CNNM2: variants seen among roughly 807,000 people sequenced by gnomAD.
The protein encoded by CNNM2 is metal transporter CNNM2.
A neutral mutation model predicts 66.9 loss-of-function variants in CNNM2; 12 were observed. That is an observed-to-expected ratio of 0.18 (90% CI 0.11 to 0.29). The LOEUF (loss-of-function observed/expected upper bound fraction) is 0.29. Among genes scored for constraint, CNNM2 ranks in the 10% least tolerant of loss-of-function variants. CNNM2 has a pLI of 1.00. For missense variants in CNNM2, 705 were observed against 1,167.7 expected (o/e 0.60, Z 5.77); for synonymous variants, 557 against 501.8 (o/e 1.11, Z -1.47).
intron 1 of CNNM2, among the ~76,000 whole-genome samples, chr10:102,959,882 C>A (rs1346188480): frequency 6.6e-6 from 1 of 152,030 alleles, no homozygotes; most frequent in East Asian, 1.9e-4. Context: ...GAAACCCCGT[C>A]TCTACTAAAA....
At chr10:103,023,645 C>T (rs1407173685) in intron 1 of CNNM2, among the ~76,000 whole-genome samples, 2 of 152,168 alleles carry the variant, frequency 1.3e-5, no homozygotes, top group Non-Finnish European at 2.9e-5. Context: ...CAGTACCTCT[C>T]ACTAGGCCCC....
At chr10:103,006,501 T>C (rs1161846764) in intron 1 of CNNM2, among the ~76,000 whole-genome samples, 4 of 152,180 alleles carry the variant, frequency 2.6e-5, no homozygotes, top group Non-Finnish European at 5.9e-5. Flanking sequence ...CCACCACTCC[T>C]GGCCTGCTTT....
At chr10:103,024,547 C>T (rs1421117732) in intron 1 of CNNM2, among the ~76,000 whole-genome samples, 1 of 152,054 alleles carries the variant, frequency 6.6e-6, no homozygotes. Context: ...GGCGTGATCT[C>T]GGCTCACTGC....
chr10:102,964,879 A>C (rs1426184828), intron 1 of CNNM2, among the ~76,000 whole-genome samples: 3 of 151,890 alleles, frequency 2.0e-5, no homozygotes, highest in Admixed American at 2.0e-4. Context: ...TGCCTTTAAG[A>C]GGGAGTTAAG....
intron 1 of CNNM2, among the ~76,000 whole-genome samples, chr10:103,001,279 T>G (rs945752358): frequency 2.6e-5 from 4 of 152,148 alleles, no homozygotes; most frequent in Non-Finnish European, 5.9e-5. Context: ...ACAGTGTGAA[T>G]GTACTCAGTG....
At chr10:103,014,178 A>G (rs1462207928) in intron 1 of CNNM2, among the ~76,000 whole-genome samples, 1 of 152,222 alleles carries the variant, frequency 6.6e-6, no homozygotes, top group Non-Finnish European at 1.5e-5. Context: ...AAATTCAGGC[A>G]ATATTAATTG....
At chr10:102,973,656 C>T (rs2063581629) in intron 1 of CNNM2, among the ~76,000 whole-genome samples, 1 of 152,086 alleles carries the variant, frequency 6.6e-6, no homozygotes, top group South Asian at 2.1e-4. Context: ...TGTGCCTGGC[C>T]TTATGCAGTG....
chr10:103,042,641 A>G (rs1373378418), intron 1 of CNNM2, among the ~76,000 whole-genome samples: 1 of 152,180 alleles, frequency 6.6e-6, no homozygotes, highest in Non-Finnish European at 1.5e-5. Context: ...TTGTGTGACT[A>G]TAGTTCATTG....
intron 1 of CNNM2, among the ~76,000 whole-genome samples, chr10:102,940,010 AC>A (rs1287685101): frequency 9.9e-5 from 15 of 151,974 alleles, no homozygotes; most frequent in African/African-American, 2.2e-4. Flanking sequence ...CAAAAAAAAA[AC>A]CGCCATGTAG....
At position 102,923,185 on chromosome 10, in the gene CNNM2, A is replaced by C. The variant is rs532118626; in HGVS notation, c.1621+3084A>C. Among the ~76,000 whole-genome samples, 298 of 151,916 alleles carry C rather than the reference A, an allele frequency of 2.0e-3. 2 individuals carry two copies. Among genetic ancestry groups the C allele is most frequent in the Non-Finnish European group, 3.4e-3 (232 of 67,970 alleles). On this transcript the variant is annotated intron_variant, in intron 1 of 7. Transcript: ENST00000369878. The stretch of plus-strand genomic sequence containing the variant: ...ACTGTGTTGCCCAGGCTGGATTCGA[A>C]CTGTGATTGTCTTTTTTCTCTGGCT...
intron 1 of CNNM2, among the ~76,000 whole-genome samples, chr10:102,956,718 G>A (rs1386268607): frequency 6.6e-6 from 1 of 152,040 alleles, no homozygotes; most frequent in African/African-American, 2.4e-5. Flanking sequence ...ACTATCACAA[G>A]CACAGAAAAC....
chr10:102,989,837 A>G lies in CNNM2; in HGVS notation c.1622-59870A>G, dbSNP rs138764725. 5.1e-4 allele frequency among the ~76,000 whole-genome samples: 78 copies of G among 152,168 alleles called. 1 individual carries two copies. The East Asian group carries it at 0.014, about 27-fold the overall frequency. On this transcript the variant is annotated intron_variant, in intron 1 of 7. Transcript: ENST00000369878. ...TACAATTTGGGGTTTCTTAATGCCT[A>G]TACTCCTTTGTTTAACTATAGGGCT...
intron 1 of CNNM2, among the ~76,000 whole-genome samples, chr10:102,949,322 C>T (rs1380454386): frequency 6.6e-6 from 1 of 151,958 alleles, no homozygotes; most frequent in African/African-American, 2.4e-5. Flanking sequence ...ATTACAGGCA[C>T]ATGCCACCAC....
At chr10:103,006,301 G>C (rs1209414291) in intron 1 of CNNM2, among the ~76,000 whole-genome samples, 3 of 151,720 alleles carry the variant, frequency 2.0e-5, no homozygotes, top group Admixed American at 2.0e-4. Context: ...CTGCCTTGGG[G>C]GTTCAAGCAA....
chr10:103,014,243 C>G, intron 1 of CNNM2, among the ~76,000 whole-genome samples: 1 of 152,152 alleles, frequency 6.6e-6, no homozygotes, highest in East Asian at 1.9e-4. Context: ...AAAGACAAGA[C>G]GTTGTCCTTG....
chr10:102,955,571 A>T (rs918889297), intron 1 of CNNM2, among the ~76,000 whole-genome samples: 41 of 152,246 alleles, frequency 2.7e-4, no homozygotes, highest in Admixed American at 8.5e-4. Context: ...AGAAACTACC[A>T]TCAGAGTGAA....
At position 103,087,830 on chromosome 10, in the gene CNNM2, G is replaced by GT. The variant is rs2065869334; in HGVS notation, c.*10651dup. On this transcript the variant is annotated 3_prime_UTR_variant, in exon 8 of 8. Coordinates refer to ENST00000369878, the MANE Select transcript of CNNM2 (RefSeq NM_017649.5). ...CCAATATATACCATTTAGAATGTAT[G>GT]TATGTTTCTTGGATGACTTAATCTG... The GT allele has an allele frequency of 6.6e-6, 1 of 152,196 alleles. No homozygotes were observed. The highest frequency in any genetic ancestry group is 1.5e-5 in the Non-Finnish European group (1 of 68,036). The allele number at this position is 152,196 out of a possible 1,614,324, so 9.4% of individuals were successfully genotyped here. A position where few individuals can be genotyped will look rare whatever the true frequency, so the allele number is the denominator to read the frequency against.
intron 1 of CNNM2, among the ~76,000 whole-genome samples, chr10:103,029,011 G>A (rs747753097): frequency 1.3e-5 from 2 of 151,166 alleles, no homozygotes; most frequent in Non-Finnish European, 2.9e-5. Context: ...TAGTAAAGAC[G>A]AGGTTCCACC....
At chr10:103,048,256 C>T (rs1314262970) in intron 1 of CNNM2, among the ~76,000 whole-genome samples, 1 of 149,218 alleles carries the variant, frequency 6.7e-6, no homozygotes, top group Non-Finnish European at 1.5e-5. Flanking sequence ...ACTCTGTTGC[C>T]CAGGCCTGGA....
Sources: gnomAD v4.1 joint callset for allele counts (sites outside exome capture counted in the v4.1 genomes callset) on GRCh38, gnomAD v4.1.1 for gene constraint, MANE v1.5 for transcripts, NCBI Gene and HGNC (gene_info 2026-07-23, HGNC 2026-07-21) for gene names.